Variants in PDZD4 observed in about 807,000 individuals in gnomAD.
The protein encoded by PDZD4 is PDZ domain-containing protein 4.
In PDZD4, 9 loss-of-function variants were observed where a neutral mutation model predicts 38.5. That is an observed-to-expected ratio of 0.23 (90% CI 0.14 to 0.41). The LOEUF is 0.41. PDZD4 is among the 10% of genes least tolerant of loss of function. The pLI, the probability that PDZD4 is intolerant of heterozygous loss-of-function variation, is 1.00. For synonymous variants in PDZD4, 349 were observed against 315.7 expected (o/e 1.11, Z -1.12); for missense variants, 612 against 722.0 (o/e 0.85, Z 1.75).
intron 7 of PDZD4, 55 bp from the exon 8 acceptor site, chrX:153,804,955 G>T: frequency 1.7e-6 from 2 of 1,152,798 alleles, no homozygotes; most frequent in Admixed American, 2.3e-5. Flanking sequence ...GGGATGTCAC[G>T]GGATGTCACA....
intron 1 of PDZD4, among the ~76,000 whole-genome samples, chrX:153,822,119 G>A (rs1306696067): frequency 2.9e-5 from 3 of 105,051 alleles, no homozygotes; most frequent in East Asian, 3.0e-4. Context: ...CCCAGGAGGC[G>A]GAGGCTGCAA....
chrX:153,829,921 G>A, intron 1 of PDZD4: 3 of 817,715 alleles, frequency 3.7e-6, no homozygotes, highest in Non-Finnish European at 4.4e-6. Context: ...TCCCTCCCCC[G>A]CCCTGGGTCC....
intron 1 of PDZD4, among the ~76,000 whole-genome samples, chrX:153,824,904 A>G (rs934096393): frequency 1.8e-5 from 2 of 112,237 alleles, no homozygotes; most frequent in African/African-American, 6.5e-5. Context: ...AGGCTGAGGC[A>G]GGAGAATCGC....
intron 1 of PDZD4, among the ~76,000 whole-genome samples, chrX:153,810,493 G>T (rs1316238337): frequency 1.8e-5 from 2 of 112,995 alleles, no homozygotes; most frequent in Non-Finnish European, 3.8e-5. Context: ...TCCGCCTAGG[G>T]ATGGAGCAGG....
At position 153,803,818 on chromosome X, in the gene PDZD4, C is replaced by T. The variant is rs150192033; in HGVS notation, c.1863G>A (p.Ala621=). 6.7e-6 allele frequency: 8 copies of T among 1,197,527 alleles called. No individual in the cohort carries two copies. The African/African-American group carries it at 7.0e-5, about 10-fold the overall frequency. ...ACTCCATGCGCGGTGCTTCAGTGGC[C>T]GCGGCCGCCACCCCGCCCACCCGAG... ...GGPRVGGVAA[A]ATEAPRMEWK... is the part of the protein sequence containing the mutation. Residue 621 remains alanine, a synonymous_variant, in exon 8 of 8, where the codon GCG becomes GCA. Coordinates refer to ENST00000393758, the MANE Select transcript of PDZD4 (RefSeq NM_001303512.2).
intron 7 of PDZD4, 38 bp downstream of exon 7, chrX:153,805,059 T>C: frequency 4.2e-6 from 5 of 1,178,655 alleles, no homozygotes; most frequent in Non-Finnish European, 5.8e-6. Context: ...AGTTCTCTCC[T>C]CCTCGCCCTC....
Position 153,803,286 on chromosome X carries a change from A to C in PDZD4, c.*67T>G. The C allele has an allele frequency of 1.8e-5, 16 of 892,120 alleles. No homozygotes were observed. Among genetic ancestry groups the C allele is most frequent in the Non-Finnish European group, 2.3e-5 (15 of 661,657 alleles). 73.5% of individuals were successfully genotyped at this position (892,120 alleles called of 1,213,427 possible). A position where few individuals can be genotyped will look rare whatever the true frequency, so the allele number is the denominator to read the frequency against. On this transcript the variant is annotated 3_prime_UTR_variant, in exon 8 of 8. Transcript: ENST00000393758. Reference sequence around the variant, plus strand: ...GCACACACACACACACACAATCTCTATAGGAGAGTGAGGGCCGGGGCCCCA... The same window carrying C: ...GCACACACACACACACACAATCTCTCTAGGAGAGTGAGGGCCGGGGCCCCA...
rs1474357375 is a variant in PDZD4 at position 153,804,150 on chromosome X, T to A, written c.1531A>T (p.Thr511Ser). The change falls in exon 8 of 8, where the codon ACC (threonine) becomes TCC (serine). Residue 511 changes from threonine (T) to serine (S), a missense_variant. Around this residue, in one of 3 missense-constraint regions of PDZD4, gnomAD observed 300 missense variants for 284.6 expected, o/e 1.05. Coordinates refer to ENST00000393758, the MANE Select transcript of PDZD4 (RefSeq NM_001303512.2). The part of the protein sequence containing the change: ...AMAGNSNLNR[T>S]PPGPAVATPA... ...GTGGCAACAGCGGGGCCGGGAGGGGTCCGGTTCAAGTTGGAGTTGCCGGCC... is the reference window on the plus strand; with the variant it reads ...GTGGCAACAGCGGGGCCGGGAGGGGACCGGTTCAAGTTGGAGTTGCCGGCC... 6.1e-6 allele frequency: 7 copies of A among 1,153,044 alleles called. No homozygotes were observed. The highest frequency in any genetic ancestry group is 6.9e-6 in the Non-Finnish European group (6 of 868,789).
At chrX:153,822,391 G>C (rs2064434566) in intron 1 of PDZD4, among the ~76,000 whole-genome samples, 1 of 111,010 alleles carries the variant, frequency 9.0e-6, no homozygotes, top group Non-Finnish European at 1.9e-5. Context: ...TTCACATCTA[G>C]CAACAATCAA....
chrX:153,816,071 G>A (rs998924670), intron 1 of PDZD4, among the ~76,000 whole-genome samples: 116 of 99,156 alleles, frequency 1.2e-3, no homozygotes, highest in African/African-American at 4.0e-3. Context: ...CGAGGGAGCC[G>A]GTGCCCACCC....
Position 153,803,424 on chromosome X carries a change from G to A in PDZD4, c.2257C>T (p.Leu753=). Reference sequence around the variant, plus strand: ...TCGGCGGAGCGCGCGCCGTGGGCCAGCATCTCCTGGATGGTGATCCAGTTG... The same window carrying A: ...TCGGCGGAGCGCGCGCCGTGGGCCAACATCTCCTGGATGGTGATCCAGTTG... ...LDNWITIQEM[L]AHGARSADGK... The change falls in exon 8 of 8, where the codon CTG becomes TTG. Residue 753 remains leucine, a synonymous_variant. Transcript: ENST00000393758. 8.7e-7 allele frequency: 1 copy of A among 1,145,421 alleles called. No homozygotes were observed. Among genetic ancestry groups the A allele is most frequent in the Non-Finnish European group, 1.2e-6 (1 of 864,555 alleles). 94.4% of individuals were successfully genotyped at this position (1,145,421 alleles called of 1,213,427 possible).
intron 3 of PDZD4, 152 bp downstream of exon 3, chrX:153,807,127 T>C (rs1603262238): frequency 1.9e-6 from 1 of 539,813 alleles, no homozygotes; most frequent in Non-Finnish European, 3.0e-6. Context: ...CTCACCGACA[T>C]GGACGGAACA....
intron 4 of PDZD4, among the ~76,000 whole-genome samples, chrX:153,806,523 T>A (rs782122430): frequency 8.9e-6 from 1 of 112,764 alleles, no homozygotes; most frequent in African/African-American, 3.2e-5. Context: ...CTGTTGCTAG[T>A]TCTCAGGCCC....
chrX:153,805,479 C>A (rs782008059), intron 6 of PDZD4, 26 bp downstream of exon 6: 15 of 1,149,194 alleles, frequency 1.3e-5, no homozygotes, highest in Non-Finnish European at 1.8e-5. Context: ...GTCGTGGCCC[C>A]GGGTCGCCCT....
intron 1 of PDZD4, among the ~76,000 whole-genome samples, chrX:153,827,486 A>C (rs1035753761): frequency 8.9e-6 from 1 of 112,630 alleles, no homozygotes; most frequent in Non-Finnish European, 1.9e-5. Flanking sequence ...AATGCTCATC[A>C]ACTGACGAAT....
At chrX:153,816,077 C>T (rs1200423739) in intron 1 of PDZD4, among the ~76,000 whole-genome samples, 2 of 99,263 alleles carry the variant, frequency 2.0e-5, no homozygotes, top group Non-Finnish European at 4.1e-5. Flanking sequence ...AGCCGGTGCC[C>T]ACCCAGCGGC....
intron 1 of PDZD4, among the ~76,000 whole-genome samples, chrX:153,811,822 G>A (rs1432117559): frequency 8.9e-6 from 1 of 112,011 alleles, no homozygotes; most frequent in African/African-American, 3.2e-5. Flanking sequence ...GGATGGAAGA[G>A]GGTGGGCGGC....
chrX:153,816,392 G>A (rs1353214639), intron 1 of PDZD4, among the ~76,000 whole-genome samples: 2 of 109,114 alleles, frequency 1.8e-5, no homozygotes, highest in African/African-American at 3.3e-5. Context: ...CCAGGGCTGG[G>A]GCTAGGCCTG....
chrX:153,809,750 G>A (rs983426911), intron 1 of PDZD4, among the ~76,000 whole-genome samples: 1 of 113,072 alleles, frequency 8.8e-6, no homozygotes, highest in Non-Finnish European at 1.9e-5. Flanking sequence ...CAGCAAGGTT[G>A]TGGCACTGAG....
Sources: allele counts gnomAD v4.1 joint callset (sites outside exome capture counted in the v4.1 genomes callset), GRCh38; gene constraint gnomAD v4.1.1; regional missense constraint gnomAD v4.1.1; transcripts MANE v1.5; gene names NCBI Gene and HGNC (gene_info 2026-07-23, HGNC 2026-07-21).